Variants in ADAT1 observed in about 807,000 individuals in gnomAD.
The protein encoded by ADAT1 is tRNA-specific adenosine deaminase 1.
A neutral mutation model predicts 58.6 loss-of-function variants in ADAT1; 58 were observed. The ratio of observed to expected loss-of-function variants is 0.99; its 90% CI spans 0.80 to 1.23. The LOEUF (loss-of-function observed/expected upper bound fraction) is 1.23. Ranked by LOEUF, ADAT1 falls within the 50% of genes most tolerant of loss-of-function variation. The pLI, the probability that ADAT1 is intolerant of heterozygous loss-of-function variation, is 0.00. For synonymous variants in ADAT1, 254 were observed against 220.8 expected, an observed-to-expected ratio of 1.15 and a Z score of -1.33; for missense variants, 741 against 608.6, an observed-to-expected ratio of 1.22 and a Z score of -2.29.
Position 75,597,300 on chromosome 16 carries a change from G to T in ADAT1, c.*2916C>A. On this transcript the variant is annotated 3_prime_UTR_variant, in exon 10 of 10. Coordinates refer to ENST00000564657, the MANE Select transcript of ADAT1 (RefSeq NM_001324445.2). ...ACAGACACAGGGAAGAAGGCCATGC[G>T]AGACACAGACACAGAAGGCCATGTG... 2.4e-6 allele frequency: 1 copy of T among 417,524 alleles called. No homozygotes were observed. Among genetic ancestry groups the T allele is most frequent in the South Asian group, 1.8e-5 (1 of 55,912 alleles). The allele number at this position is 417,524 out of a possible 1,614,324, so 25.9% of individuals were successfully genotyped here.
chr16:75,598,408 T>C lies in ADAT1; in HGVS notation c.*1808A>G, dbSNP rs1221638653. The C allele has an allele frequency of 6.1e-6, 1 of 164,018 alleles. No homozygotes were observed. Among genetic ancestry groups the C allele is most frequent in the East Asian group, 1.9e-4 (1 of 5,230 alleles). 10.2% of individuals were successfully genotyped at this position (164,018 alleles called of 1,614,324 possible). On this transcript the variant is annotated 3_prime_UTR_variant, in exon 10 of 10. Coordinates refer to ENST00000564657, the MANE Select transcript of ADAT1 (RefSeq NM_001324445.2). ...TTTCTGTTGTCTTAAGCCACCCAGC[T>C]TGTGGTACTTCGTTAAGAAACAGCT...
chr16:75,606,557 T>C (rs530991892), intron 8 of ADAT1, among the ~76,000 whole-genome samples: 1 of 152,326 alleles, frequency 6.6e-6, no homozygotes, highest in Non-Finnish European at 1.5e-5. Context: ...TATAAGGAAC[T>C]GAAGCCTCCT....
At position 75,598,719 on chromosome 16, in the gene ADAT1, A is replaced by G. The variant is rs1354947721; in HGVS notation, c.*1497T>C. On this transcript the variant is annotated 3_prime_UTR_variant, in exon 10 of 10. Transcript: ENST00000564657. ...TTTTTAGCAGAGACGGGGTTTCATC[A>G]TGTTGGCCAGACTGGTCTCGAACTC... is the stretch of plus-strand genomic sequence containing the variant. Among the ~76,000 whole-genome samples, 1 of 151,368 alleles carries G rather than the reference A, an allele frequency of 6.6e-6. No homozygotes were observed. Among genetic ancestry groups the G allele is most frequent in the African/African-American group, 2.4e-5 (1 of 41,104 alleles).
At chr16:75,611,779 C>T (rs556578574) in intron 6 of ADAT1, among the ~76,000 whole-genome samples, 55 of 151,958 alleles carry the variant, frequency 3.6e-4, no homozygotes, top group Non-Finnish European at 2.5e-4. Context: ...AATTATTAGC[C>T]GGGCGCGGTG....
chr16:75,616,720 T>C (rs967394138), intron 5 of ADAT1, among the ~76,000 whole-genome samples: 4 of 152,218 alleles, frequency 2.6e-5, no homozygotes, highest in South Asian at 2.1e-4. Context: ...GCTAGTCTTA[T>C]TCATTTCTGT....
At position 75,612,401 on chromosome 16, in the gene ADAT1, G is replaced by A. The variant is rs752603233; in HGVS notation, c.885C>T (p.Arg295=). Residue 295 remains arginine, a synonymous_variant, in exon 6 of 10, where the codon CGC becomes CGT. Transcript: ENST00000564657. ...CCATCTTGTCACTACAGGACATGGA[G>A]CGTGTTCTGTCTCCACGGCCTGGCT... is the stretch of plus-strand genomic sequence containing the variant. ...RVKPGRGDRT[R]SMSCSDKMAR... is the part of the protein sequence containing the mutation. 1.2e-6 allele frequency: 2 copies of A among 1,614,244 alleles called. No individual in the cohort carries two copies. The highest frequency in any genetic ancestry group is 1.7e-6 in the Non-Finnish European group (2 of 1,180,042).
Position 75,600,008 on chromosome 16 carries a change from C to G in ADAT1, c.*208G>C. The stretch of plus-strand genomic sequence containing the variant: ...CACAATGGAAGTCAGATAGTGAGGT[C>G]ATTAGTGAGATGCCATTTTAGCAGA... On this transcript the variant is annotated 3_prime_UTR_variant, in exon 10 of 10. Transcript: ENST00000564657. The G allele has an allele frequency of 2.2e-6, 3 of 1,358,922 alleles. No homozygotes were observed. Among genetic ancestry groups the G allele is most frequent in the Non-Finnish European group, 2.8e-6 (3 of 1,053,270 alleles). 84.2% of individuals were successfully genotyped at this position (1,358,922 alleles called of 1,614,324 possible).
chr16:75,611,624 C>G (rs1006674707), intron 6 of ADAT1, among the ~76,000 whole-genome samples: 7 of 151,992 alleles, frequency 4.6e-5, no homozygotes, highest in African/African-American at 1.7e-4. Flanking sequence ...TCAAGCAATC[C>G]GCCCCCCTCG....
At chr16:75,616,812 T>A (rs1283774217) in intron 5 of ADAT1, among the ~76,000 whole-genome samples, 1 of 152,254 alleles carries the variant, frequency 6.6e-6, no homozygotes, top group Non-Finnish European at 1.5e-5. Context: ...AGTTTTAGGA[T>A]AAGTCACTAT....
rs149199209 is a variant in ADAT1 at position 75,612,278 on chromosome 16, G to A, written c.1008C>T (p.Tyr336=). Residue 336 remains tyrosine (Y), a synonymous_variant, in exon 6 of 10, where the codon TAC becomes TAT. Transcript: ENST00000564657. ...LSAVVIGKCP[Y]SQEAMQRALI... ...GTGCTCTCTGCATGGCTTCCTGGCT[G>A]TATGGGCACTTCCCAATGACCACAG... The A allele has an allele frequency of 4.7e-5, 76 of 1,614,020 alleles. No homozygotes were observed. The highest frequency in any genetic ancestry group is 1.6e-4 in the Middle Eastern group (1 of 6,082).
intron 8 of ADAT1, among the ~76,000 whole-genome samples, chr16:75,606,957 G>T (rs1490368569): frequency 1.3e-5 from 2 of 152,120 alleles, no homozygotes; most frequent in Non-Finnish European, 2.9e-5. Context: ...GCAGCACATG[G>T]TGGCTCACGC....
intron 5 of ADAT1, among the ~76,000 whole-genome samples, chr16:75,616,461 T>C (rs1463766082): frequency 2.6e-5 from 4 of 152,228 alleles, no homozygotes; most frequent in Non-Finnish European, 5.9e-5. Flanking sequence ...CTTATATCCT[T>C]ATTTCAAAGG....
intron 8 of ADAT1, among the ~76,000 whole-genome samples, chr16:75,606,504 C>T (rs1052288956): frequency 7.2e-5 from 11 of 152,292 alleles, no homozygotes; most frequent in South Asian, 2.1e-4. Context: ...GCCACTGAGT[C>T]GTGAAGCTGA....
rs529281163 is a variant in ADAT1 at position 75,599,622 on chromosome 16, G to T, written c.*594C>A. On this transcript the variant is annotated 3_prime_UTR_variant, in exon 10 of 10. Transcript: ENST00000564657. ...TGATTATGTGACCCTTACAGCTCCA[G>T]ATCAAAACAGAAAGCCTTTCCTGAT... 5 of 985,906 alleles carry T rather than the reference G, an allele frequency of 5.1e-6. No individual in the cohort carries two copies. The highest frequency in any genetic ancestry group is 1.7e-5 in the African/African-American group (1 of 57,334). The allele number at this position is 985,906 out of a possible 1,614,324, so 61.1% of individuals were successfully genotyped here.
intron 6 of ADAT1, among the ~76,000 whole-genome samples, chr16:75,610,079 T>A (rs1428579452): frequency 6.6e-6 from 1 of 152,208 alleles, no homozygotes; most frequent in Non-Finnish European, 1.5e-5. Flanking sequence ...AATTATACAA[T>A]ATGTGATTTC....
chr16:75,607,478 G>A (rs532805242), intron 8 of ADAT1, among the ~76,000 whole-genome samples: 2 of 150,380 alleles, frequency 1.3e-5, no homozygotes, highest in African/African-American at 4.9e-5. Flanking sequence ...CTCCAGCCCA[G>A]GTGACAGAGC....
chr16:75,615,083 C>T (rs905306007), intron 5 of ADAT1, among the ~76,000 whole-genome samples: 40 of 151,536 alleles, frequency 2.6e-4, no homozygotes, highest in East Asian at 1.6e-3. Flanking sequence ...AAAAATTAGC[C>T]GGGCGTGGTG....
intron 8 of ADAT1, among the ~76,000 whole-genome samples, chr16:75,606,984 T>C (rs145971300): frequency 2.6e-4 from 39 of 152,192 alleles, no homozygotes; most frequent in African/African-American, 8.9e-4. Context: ...TTCCAGTACT[T>C]TGGGAGGCTG....
At chr16:75,610,083 T>G (rs1336377453) in intron 6 of ADAT1, among the ~76,000 whole-genome samples, 1 of 152,210 alleles carries the variant, frequency 6.6e-6, no homozygotes, top group East Asian at 1.9e-4. Context: ...ATACAATATG[T>G]GATTTCTTTC....
Sources: gnomAD v4.1 joint callset for allele counts (sites outside exome capture counted in the v4.1 genomes callset) on GRCh38, gnomAD v4.1.1 for gene constraint, MANE v1.5 for transcripts, NCBI Gene and HGNC (gene_info 2026-07-23, HGNC 2026-07-21) for gene names.